EPS8L2: variants seen among roughly 807,000 people sequenced by gnomAD.
The protein encoded by EPS8L2 is EPS8 signaling adaptor L2, also known as epidermal growth factor receptor kinase substrate 8-like protein 2.
Under a neutral mutation model 99.4 loss-of-function variants are expected in EPS8L2, and 81 were observed. The observed-to-expected ratio is 0.82, with a 90% CI of 0.68 to 0.98. The LOEUF (loss-of-function observed/expected upper bound fraction) is 0.98, where lower values mean the gene tolerates loss of function less well. Among genes scored for constraint, EPS8L2 ranks in the 50% least tolerant of loss-of-function variants. EPS8L2 has a pLI of 0.00. For synonymous variants in EPS8L2, 509 were observed against 407.3 expected (o/e 1.25, Z -3.01); for missense variants, 1,155 against 968.8 (o/e 1.19, Z -2.55).
At position 727,074 on chromosome 11, in the gene EPS8L2, G is replaced by A. The variant is rs1471065094; in HGVS notation, c.*93G>A. On this transcript the variant is annotated 3_prime_UTR_variant, in exon 21 of 21. Coordinates refer to ENST00000318562, the MANE Select transcript of EPS8L2 (RefSeq NM_022772.4). Reference sequence around the variant, plus strand: ...ATATGTGTATGTATTTTGTATCAAGGACACGGAGGGGGTGTGGTGCTGGCT... The same window carrying A: ...ATATGTGTATGTATTTTGTATCAAGAACACGGAGGGGGTGTGGTGCTGGCT... The A allele has an allele frequency of 1.7e-5, 15 of 906,416 alleles. No homozygotes were observed. Among genetic ancestry groups the A allele is most frequent in the Non-Finnish European group, 2.4e-5 (14 of 581,896 alleles). The allele number at this position is 906,416 out of a possible 1,614,324, so 56.1% of individuals were successfully genotyped here.
intron 1 of EPS8L2, among the ~76,000 whole-genome samples, chr11:707,884 G>A (rs528340155): frequency 3.9e-5 from 6 of 152,260 alleles, no homozygotes; most frequent in East Asian, 3.9e-4. Context: ...GCCCTTGGTG[G>A]AGCCCGCCAG....
At chr11:716,019 C>G (rs550930936) in intron 4 of EPS8L2, among the ~76,000 whole-genome samples, 3 of 140,956 alleles carry the variant, frequency 2.1e-5, no homozygotes, top group African/African-American at 8.1e-5. Context: ...GTCACCCAGG[C>G]TGGAGTGCAC....
At position 719,079 on chromosome 11, in the gene EPS8L2, C is replaced by G. The variant is rs1389141507; in HGVS notation, c.166-983C>G. 3.3e-5 allele frequency among the ~76,000 whole-genome samples: 5 copies of G among 151,396 alleles called. No homozygotes were observed. In the South Asian group the frequency reaches 1.0e-3, roughly 32 times the overall value. ...CTCCTGGGTTCAAGTGATTCTCCCA[C>G]CTCAGCCTCCCGAGTAGCTGGGATT... On this transcript the variant is annotated intron_variant, in intron 4 of 20. Transcript: ENST00000318562.
Position 725,844 on chromosome 11 carries a change from G to A in EPS8L2, c.1677G>A (p.Glu559=), listed in dbSNP as rs759346229. 2 of 1,385,076 alleles carry A rather than the reference G, an allele frequency of 1.4e-6. No homozygotes were observed. The highest frequency in any genetic ancestry group is 1.9e-6 in the Non-Finnish European group (2 of 1,075,728). The allele number at this position is 1,385,076 out of a possible 1,614,324, so 85.8% of individuals were successfully genotyped here. ...CGGAGGACGCCGGCGCCCCGTTCGA[G>A]CAGGTGAGCCCGCGGGGGTCCCTGG... ...ARPEDAGAPF[E]QAGQKYWGPA... The change falls in exon 17 of 21, where the codon GAG becomes GAA. Residue 559 remains glutamate, a synonymous_variant. Transcript: ENST00000318562.
rs1308132134 is a variant in EPS8L2 at position 724,493 on chromosome 11, G to A, written c.1455-231G>A. Reference sequence around the variant, plus strand: ...GCCTTGCTGTACCACAGGCCCCTGCGCCACGCCCACCTCCTGCCTGCCCCG... The same window carrying A: ...GCCTTGCTGTACCACAGGCCCCTGCACCACGCCCACCTCCTGCCTGCCCCG... On this transcript the variant is annotated intron_variant, in intron 15 of 20. Coordinates refer to ENST00000318562, the MANE Select transcript of EPS8L2 (RefSeq NM_022772.4). The surrounding 1 kb of genome is among the most constrained non-coding windows in gnomAD (Gnocchi z 5.5). The A allele has an allele frequency of 5.2e-5, 29 of 559,852 alleles. No homozygotes were observed. The highest frequency in any genetic ancestry group is 4.0e-5 in the South Asian group (2 of 50,112). 34.7% of individuals were successfully genotyped at this position (559,852 alleles called of 1,614,324 possible).
chr11:713,763 C>G (rs538595329), intron 4 of EPS8L2, among the ~76,000 whole-genome samples: 1 of 152,268 alleles, frequency 6.6e-6, no homozygotes, highest in African/African-American at 2.4e-5. Flanking sequence ...CCAGGCTGGT[C>G]TTGAACTCCT....
chr11:722,334 G>C, intron 12 of EPS8L2, 67 bp from the exon 13 acceptor site: 1 of 1,582,440 alleles, frequency 6.3e-7, no homozygotes, highest in Non-Finnish European at 8.6e-7. Context: ...GCCAGCCTGT[G>C]GAGCTACGGG....
intron 10 of EPS8L2, 73 bp downstream of exon 10, chr11:721,764 C>T (rs754847203): frequency 1.9e-5 from 30 of 1,546,594 alleles, no homozygotes; most frequent in Middle Eastern, 3.4e-4. Flanking sequence ...GGGACGGGGA[C>T]GGGGCCAGGG....
At position 723,383 on chromosome 11, in the gene EPS8L2, A is replaced by G. The variant is rs893468558; in HGVS notation, c.1454+30A>G. The stretch of plus-strand genomic sequence containing the variant: ...GCCCCCCTCAAAGTGAGGGAGCATG[A>G]AAGTGAAACCCTTCAGAACCTACAG... On this transcript the variant is annotated intron_variant, in intron 15 of 20. Transcript: ENST00000318562. 8 of 1,045,176 alleles carry G rather than the reference A, an allele frequency of 7.7e-6. No homozygotes were observed. In the African/African-American group the frequency reaches 1.1e-4, roughly 15 times the overall value. 64.7% of individuals were successfully genotyped at this position (1,045,176 alleles called of 1,614,324 possible). A position where few individuals can be genotyped will look rare whatever the true frequency, so the allele number is the denominator to read the frequency against.
At chr11:719,138 TGTATTTTTA>T (rs1366073707) in intron 4 of EPS8L2, among the ~76,000 whole-genome samples, 1 of 151,800 alleles carries the variant, frequency 6.6e-6, no homozygotes, top group African/African-American at 2.4e-5. Context: ...GCTAATTTTT[TGTATTTTTA>T]GTAGAGACAG....
intron 5 of EPS8L2, 179 bp downstream of exon 5, chr11:720,402 G>A: frequency 9.1e-7 from 1 of 1,096,652 alleles, no homozygotes; most frequent in Non-Finnish European, 1.3e-6. Flanking sequence ...TGAGAGTCCA[G>A]GGAAGTTTGG....
At position 721,047 on chromosome 11, in the gene EPS8L2, AC is replaced by A; in HGVS notation, c.558-12del. The A allele has an allele frequency of 5.8e-6, 8 of 1,390,600 alleles. No homozygotes were observed. The highest frequency in any genetic ancestry group is 6.6e-6 in the Non-Finnish European group (7 of 1,064,884). 86.1% of individuals were successfully genotyped at this position (1,390,600 alleles called of 1,614,324 possible). A position where few individuals can be genotyped will look rare whatever the true frequency, so the allele number is the denominator to read the frequency against. On this transcript the variant is annotated splice_polypyrimidine_tract_variant and intron_variant, in intron 7 of 20. Coordinates refer to ENST00000318562, the MANE Select transcript of EPS8L2 (RefSeq NM_022772.4). ...TGCGTTCCCGGCGGGGCTGAGCAGG[AC>A]CCCCTCGCCCTCCAGGGGACACCAG... is the stretch of plus-strand genomic sequence containing the variant.
At position 726,096 on chromosome 11, in the gene EPS8L2, A is replaced by G; in HGVS notation, c.1681-2A>G. 1 of 1,575,070 alleles carries G rather than the reference A, an allele frequency of 6.3e-7. No individual in the cohort carries two copies. Among genetic ancestry groups the G allele is most frequent in the Non-Finnish European group, 8.7e-7 (1 of 1,154,564 alleles). On this transcript the variant is annotated splice_acceptor_variant, in intron 17 of 20. Coordinates refer to ENST00000318562, the MANE Select transcript of EPS8L2 (RefSeq NM_022772.4). LOFTEE classifies it high-confidence loss of function. ...GAGCCTAATCGCCCCCCGCCCCCGC[A>G]GGCCGGTCAGAAGTACTGGGGCCCC...
At chr11:719,401 G>C (rs185668117) in intron 4 of EPS8L2, among the ~76,000 whole-genome samples, 1 of 152,238 alleles carries the variant, frequency 6.6e-6, no homozygotes, top group Non-Finnish European at 1.5e-5. Context: ...TAGTGAACAC[G>C]GCAGCTTGGC....
chr11:722,566 C>T lies in EPS8L2; in HGVS notation c.1208+17C>T, dbSNP rs1253715481. 9.3e-6 allele frequency: 15 copies of T among 1,612,366 alleles called. No individual in the cohort carries two copies. Among genetic ancestry groups the T allele is most frequent in the Non-Finnish European group, 1.3e-5 (15 of 1,179,698 alleles). ...GCGGCCCCGGTAGGGCAGGGCAGAG[C>T]AGTGCCGGGGCTTCATGGGGGGCCA... On this transcript the variant is annotated intron_variant, in intron 13 of 20. Transcript: ENST00000318562.
chr11:720,459 C>A, intron 5 of EPS8L2, 138 bp from the exon 6 acceptor site: 1 of 1,381,098 alleles, frequency 7.2e-7, no homozygotes, highest in Non-Finnish European at 9.9e-7. Flanking sequence ...TGTCCCGGGC[C>A]TAGTCCTCAT....
rs1862321509 is a variant in EPS8L2 at position 726,344 on chromosome 11, C to T, written c.1794C>T (p.Ile598=). 1.9e-6 allele frequency: 3 copies of T among 1,610,940 alleles called. No individual in the cohort carries two copies. Among genetic ancestry groups the T allele is most frequent in the Non-Finnish European group, 2.5e-6 (3 of 1,179,236 alleles). ...TGGACGAGGTCAACGACGAGCTCATCCGGAAAATCAGCAACATCAGGGCGC... is the reference window on the plus strand; with the variant it reads ...TGGACGAGGTCAACGACGAGCTCATTCGGAAAATCAGCAACATCAGGGCGC... ...QHMDEVNDEL[I]RKISNIRAQP... Residue 598 remains isoleucine, a synonymous_variant, in exon 19 of 21, where the codon ATC becomes ATT. Transcript: ENST00000318562.
chr11:720,780 C>CCGCCG (rs756072469), intron 6 of EPS8L2, 34 bp downstream of exon 6: 23,684 of 1,538,484 alleles, frequency 0.015, 226 homozygotes, highest in Middle Eastern at 0.021. Flanking sequence ...GGGTGGGGCC[C>CCGCCG]CGCCGCGCCG....
intron 4 of EPS8L2, 48 bp from the exon 5 acceptor site, chr11:720,014 C>T (rs370986790): frequency 5.7e-5 from 88 of 1,555,094 alleles, no homozygotes; most frequent in Admixed American, 4.2e-4. Flanking sequence ...GCTGGGCTTT[C>T]GACACAAGGA....
Sources: allele counts gnomAD v4.1 joint callset (sites outside exome capture counted in the v4.1 genomes callset), GRCh38; gene constraint gnomAD v4.1.1; non-coding constraint Gnocchi (gnomAD v3.1); transcripts MANE v1.5; gene names NCBI Gene and HGNC (gene_info 2026-07-23, HGNC 2026-07-21).